Variants in PDE1C observed in about 807,000 individuals in gnomAD.
PDE1C encodes the protein dual specificity calcium/calmodulin-dependent 3',5'-cyclic nucleotide phosphodiesterase 1C.
Under a neutral mutation model 93.1 loss-of-function variants are expected in PDE1C, and 62 were observed. The observed-to-expected ratio is 0.67, with a 90% CI of 0.54 to 0.82. PDE1C has a LOEUF of 0.82. Among genes scored for constraint, PDE1C ranks in the 40% least tolerant of loss-of-function variants. PDE1C has a pLI of 0.00. For synonymous variants in PDE1C, 325 were observed against 310.1 expected (o/e 1.05, Z -0.50); for missense variants, 742 against 884.6 (o/e 0.84, Z 2.04).
rs761255876 is a variant in PDE1C at position 31,880,870 on chromosome 7, T to C, written c.129-10A>G. 9.0e-6 allele frequency: 13 copies of C among 1,451,504 alleles called. No individual in the cohort carries two copies. In the East Asian group the frequency reaches 2.7e-4, roughly 30 times the overall value. 89.9% of individuals were successfully genotyped at this position (1,451,504 alleles called of 1,614,324 possible). A position where few individuals can be genotyped will look rare whatever the true frequency, so the allele number is the denominator to read the frequency against. On this transcript the variant is annotated splice_polypyrimidine_tract_variant and intron_variant, in intron 2 of 17. Transcript: ENST00000396191. ...GACCAAAGACCGTAATCTAGAAAAA[T>C]AAAAAGACATAATTTCATTAGAATA...
intron 1 of PDE1C, among the ~76,000 whole-genome samples, chr7:32,417,535 G>A (rs1180127654): frequency 6.6e-6 from 1 of 151,872 alleles, no homozygotes; most frequent in Non-Finnish European, 1.5e-5. Context: ...CGAGTAACTT[G>A]CCCCATTAAT....
At chr7:32,283,961 T>C (rs990445923) in intron 1 of PDE1C, among the ~76,000 whole-genome samples, 3 of 152,164 alleles carry the variant, frequency 2.0e-5, no homozygotes, top group Non-Finnish European at 1.5e-5. Context: ...AGTCAGTAAA[T>C]ACTACCTTGA....
intron 1 of PDE1C, among the ~76,000 whole-genome samples, chr7:32,404,144 C>T (rs1785005978): frequency 6.6e-6 from 1 of 152,126 alleles, no homozygotes; most frequent in Non-Finnish European, 1.5e-5. Flanking sequence ...TCCTTAAGCT[C>T]TCTGTGCTTC....
chr7:32,266,968 G>GC (rs1298276026), intron 1 of PDE1C, among the ~76,000 whole-genome samples: 2 of 152,168 alleles, frequency 1.3e-5, no homozygotes, highest in African/African-American at 4.8e-5. Context: ...TTGGGTGGAA[G>GC]CCCCCTAGAC....
At chr7:32,057,559 C>A (rs1384155311) in intron 1 of PDE1C, among the ~76,000 whole-genome samples, 1 of 152,136 alleles carries the variant, frequency 6.6e-6, no homozygotes, top group Non-Finnish European at 1.5e-5. Context: ...AAATAGGTTC[C>A]CCAAAGCTCT....
At chr7:32,159,340 T>A (rs1322606600) in intron 3 of PDE1C, among the ~76,000 whole-genome samples, 2 of 152,130 alleles carry the variant, frequency 1.3e-5, no homozygotes, top group Non-Finnish European at 2.9e-5. Context: ...TTCTACAGAG[T>A]AAAACACAGG....
chr7:31,640,952 A>G, the PDE1C span, among the ~76,000 whole-genome samples: 1 of 151,950 alleles, frequency 6.6e-6, no homozygotes, highest in Non-Finnish European at 1.5e-5. Context: ...GGAGTTTATA[A>G]TGTTTAATTA....
chr7:31,739,237 A>ACACACACC, the PDE1C span, among the ~76,000 whole-genome samples: 11 of 148,532 alleles, frequency 7.4e-5, no homozygotes, highest in African/African-American at 2.3e-4. Context: ...ACACACACAC[A>ACACACACC]CCAGCTCTTC....
rs187481248 is a variant in PDE1C, at chr7:31,951,865, C to A, written c.129-71005G>T. 3.9e-5 allele frequency among the ~76,000 whole-genome samples: 6 copies of A among 152,262 alleles called. No individual in the cohort carries two copies. In the East Asian group the frequency reaches 1.2e-3, roughly 29 times the overall value. On this transcript the variant is annotated intron_variant, in intron 2 of 17. Coordinates refer to ENST00000396191, the MANE Select transcript of PDE1C (RefSeq NM_001191057.4). ...CTGGAAAGGTTGGTGTGGATTTCAA[C>A]TCTTACACCCCCTTCCCTCTTCCAC...
intron 2 of PDE1C, among the ~76,000 whole-genome samples, chr7:31,938,045 T>C (rs1219749949): frequency 6.6e-6 from 1 of 152,120 alleles, no homozygotes; most frequent in Non-Finnish European, 1.5e-5. Flanking sequence ...CCACTTAAGA[T>C]GAAGAGAAAG....
chr7:32,390,541 GAAAAAAA>G (rs753651084), intron 1 of PDE1C, among the ~76,000 whole-genome samples: 12,425 of 93,060 alleles, frequency 0.13, 646 homozygotes, highest in African/African-American at 0.2. Flanking sequence ...AGTGATCATT[GAAAAAAA>G]AAAAAAAAAA....
At chr7:32,336,773 C>T (rs147002889) in intron 1 of PDE1C, among the ~76,000 whole-genome samples, 4 of 152,292 alleles carry the variant, frequency 2.6e-5, no homozygotes, top group African/African-American at 9.6e-5. Context: ...TTGACATTTG[C>T]ACACTTGATT....
upstream of PDE1C, among the ~76,000 whole-genome samples, chr7:32,075,730 G>C (rs1796312952): frequency 6.6e-6 from 1 of 152,136 alleles, no homozygotes; most frequent in Non-Finnish European, 1.5e-5. Context: ...AGAAGACAAA[G>C]AGATAGAAGA....
At chr7:32,364,441 C>T (rs1784192136) in intron 1 of PDE1C, among the ~76,000 whole-genome samples, 1 of 152,150 alleles carries the variant, frequency 6.6e-6, no homozygotes, top group South Asian at 2.1e-4. Flanking sequence ...CTCTGCAGCC[C>T]CATTTCCTCC....
At chr7:31,682,030 C>A in the PDE1C span, among the ~76,000 whole-genome samples, 1 of 152,154 alleles carries the variant, frequency 6.6e-6, no homozygotes, top group Admixed American at 6.5e-5. Context: ...TGGAGTCAGA[C>A]TGTCTGGGAT....
intron 2 of PDE1C, among the ~76,000 whole-genome samples, chr7:31,991,853 G>C (rs989188852): frequency 8.5e-5 from 13 of 152,186 alleles, no homozygotes; most frequent in African/African-American, 2.9e-4. Flanking sequence ...TTAACAACCT[G>C]CTTCCTTTTC....
chr7:31,898,963 T>C (rs1343285834), intron 2 of PDE1C, among the ~76,000 whole-genome samples: 2 of 152,114 alleles, frequency 1.3e-5, no homozygotes, highest in Non-Finnish European at 2.9e-5. Context: ...AGATTTCAAC[T>C]GGAAGAAGTT....
the PDE1C span, among the ~76,000 whole-genome samples, chr7:31,720,025 C>T: frequency 2.7e-5 from 4 of 150,586 alleles, no homozygotes; most frequent in Non-Finnish European, 3.0e-5. Flanking sequence ...TAGCCGGGCG[C>T]GGTGGCGGGC....
At chr7:31,758,412 A>G (rs535642976) in intron 17 of PDE1C, among the ~76,000 whole-genome samples, 1 of 152,280 alleles carries the variant, frequency 6.6e-6, no homozygotes, top group East Asian at 1.9e-4. Flanking sequence ...ATATTTATTC[A>G]CCCACTTCTT....
Sources: allele counts gnomAD v4.1 joint callset (sites outside exome capture counted in the v4.1 genomes callset), GRCh38; gene constraint gnomAD v4.1.1; transcripts MANE v1.5; gene names NCBI Gene and HGNC (gene_info 2026-07-23, HGNC 2026-07-21).